The following RNF150 variants were observed in gnomAD, a reference collection of about 807,000 sequenced individuals.
RNF150 encodes ring finger protein 150.
Under a neutral mutation model 39.3 loss-of-function variants are expected in RNF150, and 24 were observed. The observed-to-expected ratio is 0.61, with a 90% CI of 0.44 to 0.86. The LOEUF (loss-of-function observed/expected upper bound fraction) is 0.86. Among genes scored for constraint, RNF150 ranks in the 40% least tolerant of loss-of-function variants. The pLI is 0.00. For synonymous variants in RNF150, 255 were observed against 227.3 expected, an observed-to-expected ratio of 1.12 and a Z score of -1.10; for missense variants, 502 against 587.8, an observed-to-expected ratio of 0.85 and a Z score of 1.51.
At chr4:141,120,109 T>A (rs1177087364) in intron 1 of RNF150, among the ~76,000 whole-genome samples, 1 of 152,224 alleles carries the variant, frequency 6.6e-6, no homozygotes, top group Middle Eastern at 3.2e-3. Context: ...ATACAGCCGT[T>A]AAGAAGACAA....
At chr4:140,959,001 G>A (rs1203351976) in intron 2 of RNF150, among the ~76,000 whole-genome samples, 6 of 152,134 alleles carry the variant, frequency 3.9e-5, no homozygotes, top group African/African-American at 1.4e-4. Flanking sequence ...TGAAGAGTCT[G>A]ATATAAAAGG....
chr4:141,142,595 C>T (rs1406209713), intron 1 of RNF150, among the ~76,000 whole-genome samples: 3 of 152,198 alleles, frequency 2.0e-5, no homozygotes, highest in Admixed American at 6.5e-5. Flanking sequence ...GGCCACTCAC[C>T]GAAACTTCTG....
At chr4:141,131,940 C>T (rs1357373793) in intron 1 of RNF150, among the ~76,000 whole-genome samples, 1 of 152,114 alleles carries the variant, frequency 6.6e-6, no homozygotes, top group Non-Finnish European at 1.5e-5. Context: ...ATGCACAGAC[C>T]CAAGGGCAGT....
chr4:141,137,670 T>C (rs958340548), upstream of RNF150, among the ~76,000 whole-genome samples: 1 of 152,194 alleles, frequency 6.6e-6, no homozygotes, highest in African/African-American at 2.4e-5. Context: ...GCAGTTTGCT[T>C]CAGCATTGAG....
At chr4:141,030,746 T>A (rs1475925537) in intron 1 of RNF150, among the ~76,000 whole-genome samples, 1 of 152,002 alleles carries the variant, frequency 6.6e-6, no homozygotes, top group Non-Finnish European at 1.5e-5. Flanking sequence ...TTAAATGAGG[T>A]ATCTAAAGTA....
chr4:140,880,797 C>T (rs1490003737), intron 6 of RNF150, among the ~76,000 whole-genome samples: 1 of 152,142 alleles, frequency 6.6e-6, no homozygotes, highest in South Asian at 2.1e-4. Flanking sequence ...TACATTTATA[C>T]ATTTCTTCTA....
chr4:140,949,678 C>A (rs533540437), intron 2 of RNF150, among the ~76,000 whole-genome samples: 35 of 105,022 alleles, frequency 3.3e-4, no homozygotes, highest in African/African-American at 9.4e-4. Flanking sequence ...TACACTACCC[C>A]CCCCCAAAAA....
At chr4:141,080,519 TC>T (rs1410467840) in intron 1 of RNF150, among the ~76,000 whole-genome samples, 3 of 152,226 alleles carry the variant, frequency 2.0e-5, no homozygotes, top group Non-Finnish European at 4.4e-5. Context: ...TTAATTAGTT[TC>T]ATTTCATATT....
chr4:141,211,832 T>C (rs1728473662), intron 1 of RNF150, among the ~76,000 whole-genome samples: 1 of 152,166 alleles, frequency 6.6e-6, no homozygotes, highest in Non-Finnish European at 1.5e-5. Context: ...TGTCAATATT[T>C]TAATCAACTG....
intron 1 of RNF150, among the ~76,000 whole-genome samples, chr4:140,973,599 G>A (rs989130988): frequency 2.0e-5 from 3 of 151,946 alleles, no homozygotes; most frequent in East Asian, 1.9e-4. Flanking sequence ...TAAACATGCC[G>A]GGCATGGTGG....
intron 6 of RNF150, among the ~76,000 whole-genome samples, chr4:140,898,683 T>C (rs1221245095): frequency 6.6e-6 from 1 of 152,250 alleles, no homozygotes; most frequent in African/African-American, 2.4e-5. Flanking sequence ...CAACTACATA[T>C]ATTTTTATCT....
chr4:141,179,934 C>T (rs1727877277), intron 1 of RNF150, among the ~76,000 whole-genome samples: 1 of 152,160 alleles, frequency 6.6e-6, no homozygotes, highest in Admixed American at 6.6e-5. Context: ...GCTAAATAAA[C>T]AAACCAAGAA....
chr4:141,130,013 A>G (rs761398025), intron 1 of RNF150, among the ~76,000 whole-genome samples: 1 of 152,232 alleles, frequency 6.6e-6, no homozygotes, highest in African/African-American at 2.4e-5. Context: ...ATTTTCTGGT[A>G]TGGTATCCCA....
In RNF150 at chr4:140,867,435, T is replaced by G. The variant is rs28729470; in HGVS notation, c.*826A>C. The G allele has an allele frequency of 6.6e-6, 1 of 152,180 alleles. No homozygotes were observed. Among genetic ancestry groups the G allele is most frequent in the South Asian group, 2.1e-4 (1 of 4,826 alleles). 9.4% of individuals were successfully genotyped at this position (152,180 alleles called of 1,614,324 possible). Reference sequence around the variant, plus strand: ...GACTGGATGCCTTGGAGGGGACTTCTGAGTTCAGAATTTCAGCCAAAGACT... The same window carrying G: ...GACTGGATGCCTTGGAGGGGACTTCGGAGTTCAGAATTTCAGCCAAAGACT... On this transcript the variant is annotated 3_prime_UTR_variant, in exon 7 of 7. Transcript: ENST00000515673.
intron 1 of RNF150, chr4:141,053,684 G>T (rs1736862876): frequency 7.1e-7 from 1 of 1,405,630 alleles, no homozygotes; most frequent in Non-Finnish European, 9.3e-7. Context: ...AGGGAATATG[G>T]GCATGGTGAA....
chr4:141,126,091 T>TACACACAC (rs372235467), intron 1 of RNF150, among the ~76,000 whole-genome samples: 7 of 61,410 alleles, frequency 1.1e-4, no homozygotes, highest in Non-Finnish European at 9.8e-5. Context: ...GCAAAATAAA[T>TACACACAC]ACATACACAC....
At chr4:140,965,906 C>G (rs1402545639) in intron 2 of RNF150, among the ~76,000 whole-genome samples, 1 of 152,010 alleles carries the variant, frequency 6.6e-6, no homozygotes, top group Non-Finnish European at 1.5e-5. Flanking sequence ...TTTACCTGCT[C>G]TTGTCATCAA....
intron 1 of RNF150, among the ~76,000 whole-genome samples, chr4:141,175,227 A>G (rs72726212): frequency 0.019 from 2,933 of 152,294 alleles, 54 homozygotes; most frequent in Non-Finnish European, 0.029. Context: ...AACCTTGGGA[A>G]ATTGCTTAAT....
intron 1 of RNF150, among the ~76,000 whole-genome samples, chr4:141,167,011 T>C (rs568313853): frequency 3.9e-5 from 6 of 152,228 alleles, no homozygotes; most frequent in African/African-American, 1.4e-4. Context: ...ATTGTCTCTG[T>C]TTGCAGATGA....
Sources: allele counts gnomAD v4.1 joint callset (sites outside exome capture counted in the v4.1 genomes callset), GRCh38; gene constraint gnomAD v4.1.1; transcripts MANE v1.5; gene names NCBI Gene and HGNC (gene_info 2026-07-23, HGNC 2026-07-21).